The following CDKAL1 variants were observed in gnomAD, a reference collection of about 807,000 sequenced individuals.
CDKAL1 encodes CDKAL1 threonylcarbamoyladenosine tRNA methylthiotransferase, also known as threonylcarbamoyladenosine tRNA methylthiotransferase.
Under a neutral mutation model 68.2 loss-of-function variants are expected in CDKAL1, and 32 were observed. The ratio of observed to expected loss-of-function variants is 0.47; its 90% CI spans 0.35 to 0.63. CDKAL1 has a LOEUF of 0.63. CDKAL1 is among the 30% of genes least tolerant of loss of function. The probability of loss-of-function intolerance (pLI) is 0.00; values close to 1 mark genes in which losing one functional copy is unlikely to be tolerated. For missense variants in CDKAL1, 606 were observed against 696.7 expected, an observed-to-expected ratio of 0.87 and a Z score of 1.47; for synonymous variants, 234 against 244.3, an observed-to-expected ratio of 0.96 and a Z score of 0.39.
At chr6:20,670,859 G>A (rs1213593577) in intron 5 of CDKAL1, among the ~76,000 whole-genome samples, 5 of 152,020 alleles carry the variant, frequency 3.3e-5, no homozygotes, top group African/African-American at 9.7e-5. Context: ...AGAAATCTTC[G>A]TCATTCTTTC....
At chr6:20,569,177 A>T (rs551062559) in intron 4 of CDKAL1, among the ~76,000 whole-genome samples, 11 of 152,356 alleles carry the variant, frequency 7.2e-5, no homozygotes, top group East Asian at 3.9e-4. Context: ...CACTTGGCAT[A>T]ATTAAATTTA....
intron 5 of CDKAL1, among the ~76,000 whole-genome samples, chr6:20,735,660 T>G (rs1034953638): frequency 6.6e-6 from 1 of 152,362 alleles, no homozygotes. Flanking sequence ...AATTTTTTGG[T>G]GTTCTTATTC....
At chr6:21,000,193 A>G (rs998168801) in intron 10 of CDKAL1, 34 bp from the exon 11 acceptor site, 2 of 1,578,170 alleles carry the variant, frequency 1.3e-6, no homozygotes, top group Non-Finnish European at 1.7e-6. Context: ...AATTTGTTAA[A>G]ATGATTAGTG....
At chr6:20,987,339 A>G (rs1439764627) in intron 10 of CDKAL1, among the ~76,000 whole-genome samples, 2 of 150,972 alleles carry the variant, frequency 1.3e-5, no homozygotes, top group Non-Finnish European at 2.9e-5. Flanking sequence ...GCTCACTGCA[A>G]CCTCTGCCTC....
At chr6:20,829,444 A>T (rs370933626) in intron 8 of CDKAL1, among the ~76,000 whole-genome samples, 21 of 152,344 alleles carry the variant, frequency 1.4e-4, no homozygotes, top group African/African-American at 5.0e-4. Context: ...TATATACTCA[A>T]TACAACAAGT....
At chr6:21,185,679 G>A (rs560865493) in intron 13 of CDKAL1, among the ~76,000 whole-genome samples, 108 of 152,222 alleles carry the variant, frequency 7.1e-4, no homozygotes, top group Non-Finnish European at 1.3e-3. Context: ...CAAATTACTG[G>A]TTGCAATAAA....
chr6:20,676,066 T>C (rs2127786043), intron 5 of CDKAL1, among the ~76,000 whole-genome samples: 1 of 152,246 alleles, frequency 6.6e-6, no homozygotes, highest in Admixed American at 6.5e-5. Context: ...GGTTATGGAA[T>C]AAAGATAAAA....
intron 7 of CDKAL1, among the ~76,000 whole-genome samples, chr6:20,771,720 G>A (rs535743389): frequency 6.6e-6 from 1 of 152,246 alleles, no homozygotes; most frequent in East Asian, 1.9e-4. Context: ...GGCCCATAGG[G>A]AATTCTCATG....
At chr6:21,130,639 A>G (rs6937439) in intron 13 of CDKAL1, among the ~76,000 whole-genome samples, 38,102 of 152,152 alleles carry the variant, frequency 0.25, 5,163 homozygotes, top group African/African-American at 0.35. Flanking sequence ...TAGTGGTACA[A>G]TATCACACAA....
intron 12 of CDKAL1, among the ~76,000 whole-genome samples, chr6:21,082,893 A>T (rs191757641): frequency 0.013 from 1,161 of 89,422 alleles, 18 homozygotes; most frequent in African/African-American, 0.046. Context: ...TTTTTTTTTG[A>T]GACAGGGTCT....
intron 9 of CDKAL1, among the ~76,000 whole-genome samples, chr6:20,917,564 T>C (rs1204736279): frequency 1.3e-5 from 2 of 152,202 alleles, no homozygotes; most frequent in East Asian, 3.8e-4. Flanking sequence ...TATTTGGTTA[T>C]ATGAATAAGC....
rs139805938 is a variant in CDKAL1, at chr6:21,205,283, G to A, written c.1548+4009G>A. 6.2e-3 allele frequency among the ~76,000 whole-genome samples: 938 copies of A among 152,226 alleles called. 13 individuals carry two copies. Among genetic ancestry groups the A allele is most frequent in the African/African-American group, 0.02 (838 of 41,538 alleles). On this transcript the variant is annotated intron_variant, in intron 15 of 15. Coordinates refer to ENST00000274695, the MANE Select transcript of CDKAL1 (RefSeq NM_017774.3). Reference sequence around the variant, plus strand: ...AACATGGGTGCACAGATATCTCTTCGAGTCCCTGCTCTCAATTCTTTTGGA... The same window carrying A: ...AACATGGGTGCACAGATATCTCTTCAAGTCCCTGCTCTCAATTCTTTTGGA...
At chr6:20,768,747 T>G (rs1307241722) in intron 7 of CDKAL1, among the ~76,000 whole-genome samples, 1 of 152,042 alleles carries the variant, frequency 6.6e-6, no homozygotes, top group Admixed American at 6.6e-5. Context: ...TTCAGGACTT[T>G]GAGAGAGGTA....
intron 6 of CDKAL1, among the ~76,000 whole-genome samples, chr6:20,747,012 G>A (rs1475082253): frequency 6.6e-6 from 1 of 151,576 alleles, no homozygotes; most frequent in Non-Finnish European, 1.5e-5. Context: ...TCCCCACCCC[G>A]GTAATCCCCA....
chr6:20,756,124 C>T (rs1774159477), intron 6 of CDKAL1: 1 of 152,194 alleles, frequency 6.6e-6, no homozygotes, highest in Admixed American at 6.5e-5. Flanking sequence ...TTTGCTCGGT[C>T]TACTTCCTGA....
At chr6:20,916,274 A>G (rs1762719912) in intron 9 of CDKAL1, among the ~76,000 whole-genome samples, 1 of 152,244 alleles carries the variant, frequency 6.6e-6, no homozygotes, top group African/African-American at 2.4e-5. Flanking sequence ...AATTGATACC[A>G]TGGTTACACA....
intron 11 of CDKAL1, among the ~76,000 whole-genome samples, chr6:21,012,840 C>G (rs1768097320): frequency 6.6e-6 from 1 of 152,136 alleles, no homozygotes; most frequent in African/African-American, 2.4e-5. Flanking sequence ...CAGCATGAGC[C>G]CCGGCAATTG....
chr6:20,584,318 A>G (rs1196306946), intron 4 of CDKAL1, among the ~76,000 whole-genome samples: 1 of 152,088 alleles, frequency 6.6e-6, no homozygotes, highest in Non-Finnish European at 1.5e-5. Flanking sequence ...GCTTAAAGGC[A>G]AGGGGGCTCT....
At chr6:21,173,625 T>G (rs1190067178) in intron 13 of CDKAL1, among the ~76,000 whole-genome samples, 1 of 152,184 alleles carries the variant, frequency 6.6e-6, no homozygotes, top group Non-Finnish European at 1.5e-5. Flanking sequence ...TGCTAGGTAG[T>G]GGGGCTATAA....
Sources: allele counts gnomAD v4.1 joint callset (sites outside exome capture counted in the v4.1 genomes callset), GRCh38; gene constraint gnomAD v4.1.1; transcripts MANE v1.5; gene names NCBI Gene and HGNC (gene_info 2026-07-23, HGNC 2026-07-21).